Variants in CNTNAP2 observed in about 807,000 individuals in gnomAD.
The protein encoded by CNTNAP2 is contactin-associated protein-like 2.
CNTNAP2 carries 98 observed loss-of-function variants against 155.2 expected under a neutral mutation model. That is an observed-to-expected ratio of 0.63 (90% CI 0.54 to 0.75). CNTNAP2 has a LOEUF of 0.75. Ranked by LOEUF, CNTNAP2 falls within the 30% of genes least tolerant of loss-of-function variation. The pLI is 0.00. For synonymous variants in CNTNAP2, 651 were observed against 631.2 expected (o/e 1.03, Z -0.47); for missense variants, 1,727 against 1,688.1 (o/e 1.02, Z -0.40).
At chr7:146,391,776 T>C (rs1424110981) in intron 1 of CNTNAP2, among the ~76,000 whole-genome samples, 1 of 149,922 alleles carries the variant, frequency 6.7e-6, no homozygotes, top group Non-Finnish European at 1.5e-5. Context: ...TTGTTGTTGT[T>C]GGCTAAATGA....
At chr7:146,301,658 A>C (rs1800613152) in intron 1 of CNTNAP2, among the ~76,000 whole-genome samples, 1 of 151,956 alleles carries the variant, frequency 6.6e-6, no homozygotes, top group East Asian at 1.9e-4. Context: ...ACAACAACAA[A>C]AAGATATACA....
At chr7:146,147,632 G>T (rs1403307601) in intron 1 of CNTNAP2, among the ~76,000 whole-genome samples, 1 of 152,048 alleles carries the variant, frequency 6.6e-6, no homozygotes, top group Non-Finnish European at 1.5e-5. Context: ...CCTTTAGCCA[G>T]CTAGAATCAA....
At chr7:148,381,483 C>T (rs541244762) in intron 21 of CNTNAP2, 1 of 152,316 alleles carries the variant, frequency 6.6e-6, no homozygotes, top group African/African-American at 2.4e-5. Flanking sequence ...CATCTCTGGC[C>T]AGATTCTTCT....
At chr7:147,217,467 A>G (rs1803300476) in intron 8 of CNTNAP2, among the ~76,000 whole-genome samples, 1 of 151,936 alleles carries the variant, frequency 6.6e-6, no homozygotes, top group South Asian at 2.1e-4. Context: ...TTGATTTTTA[A>G]ATATTGAACC....
intron 1 of CNTNAP2, among the ~76,000 whole-genome samples, chr7:146,555,447 A>C (rs1323184266): frequency 6.6e-6 from 1 of 151,892 alleles, no homozygotes; most frequent in Non-Finnish European, 1.5e-5. Context: ...TATCTCATCT[A>C]TTTATCGATT....
At chr7:147,129,200 GTTTAA>G (rs910715740) in intron 7 of CNTNAP2, among the ~76,000 whole-genome samples, 4 of 152,112 alleles carry the variant, frequency 2.6e-5, no homozygotes, top group Non-Finnish European at 5.9e-5. Flanking sequence ...CTTGCTTATG[GTTTAA>G]TTTAATATTT....
intron 15 of CNTNAP2, among the ~76,000 whole-genome samples, chr7:147,999,436 A>G (rs564842031): frequency 1.4e-3 from 220 of 152,304 alleles, no homozygotes; most frequent in African/African-American, 5.2e-3. Context: ...GCCTTTCTTA[A>G]TTGTGTAAGA....
chr7:148,165,767 C>T (rs746910498), intron 17 of CNTNAP2, among the ~76,000 whole-genome samples: 17 of 152,208 alleles, frequency 1.1e-4, no homozygotes, highest in African/African-American at 3.9e-4. Flanking sequence ...TCCCATACAT[C>T]AAATTGTGCC....
intron 1 of CNTNAP2, among the ~76,000 whole-genome samples, chr7:146,164,859 C>G (rs951800777): frequency 6.6e-6 from 1 of 152,082 alleles, no homozygotes; most frequent in Non-Finnish European, 1.5e-5. Context: ...TTCTTTGAGG[C>G]TTATATTCCT....
intron 1 of CNTNAP2, among the ~76,000 whole-genome samples, chr7:146,225,515 G>A (rs1006134645): frequency 6.6e-6 from 1 of 152,172 alleles, no homozygotes; most frequent in African/African-American, 2.4e-5. Context: ...ATGAGACTCA[G>A]CATTCAACTT....
intron 21 of CNTNAP2, chr7:148,339,435 T>C (rs1798183346): frequency 6.6e-6 from 1 of 152,174 alleles, no homozygotes; most frequent in African/African-American, 2.4e-5. Flanking sequence ...ACCCCGGGTT[T>C]TGCGTCCTCC....
At chr7:146,605,299 G>A (rs1416382152) in intron 1 of CNTNAP2, among the ~76,000 whole-genome samples, 1 of 151,078 alleles carries the variant, frequency 6.6e-6, no homozygotes, top group African/African-American at 2.4e-5. Flanking sequence ...ATTATCAGAT[G>A]ATTGATATTA....
chr7:148,324,320 C>T (rs887772430), intron 21 of CNTNAP2, among the ~76,000 whole-genome samples: 3 of 152,190 alleles, frequency 2.0e-5, no homozygotes, highest in African/African-American at 7.2e-5. Flanking sequence ...TACAGCTTTA[C>T]TCAACTGTCA....
At chr7:148,294,295 A>G (rs1445539938) in intron 21 of CNTNAP2, among the ~76,000 whole-genome samples, 1 of 152,196 alleles carries the variant, frequency 6.6e-6, no homozygotes, top group Non-Finnish European at 1.5e-5. Context: ...TCATTCATTC[A>G]GAATATACTC....
chr7:147,301,965 G>A (rs1248435039), intron 9 of CNTNAP2, among the ~76,000 whole-genome samples: 3 of 152,000 alleles, frequency 2.0e-5, no homozygotes, highest in Non-Finnish European at 4.4e-5. Flanking sequence ...CATGAACTAG[G>A]GCTCTGCTTC....
chr7:146,532,552 T>C (rs1797785106), intron 1 of CNTNAP2, among the ~76,000 whole-genome samples: 1 of 152,178 alleles, frequency 6.6e-6, no homozygotes, highest in East Asian at 1.9e-4. Context: ...CACAACCTTA[T>C]GTCACAACAT....
At chr7:146,130,756 G>T (rs1797701919) in intron 1 of CNTNAP2, among the ~76,000 whole-genome samples, 1 of 152,138 alleles carries the variant, frequency 6.6e-6, no homozygotes, top group African/African-American at 2.4e-5. Context: ...GTTCTGCATG[G>T]CTGGGGAGGC....
chr7:146,693,382 A>C (rs1404522235), intron 1 of CNTNAP2, among the ~76,000 whole-genome samples: 3 of 152,058 alleles, frequency 2.0e-5, no homozygotes, highest in Non-Finnish European at 4.4e-5. Flanking sequence ...TTCAATCAAA[A>C]TTTTATAACT....
At chr7:147,397,374 T>G (rs1796836410) in intron 10 of CNTNAP2, among the ~76,000 whole-genome samples, 1 of 152,068 alleles carries the variant, frequency 6.6e-6, no homozygotes, top group Admixed American at 6.6e-5. Context: ...CTACATATTG[T>G]TTTGTACAGA....
Sources: allele counts gnomAD v4.1 joint callset (sites outside exome capture counted in the v4.1 genomes callset), GRCh38; gene constraint gnomAD v4.1.1; transcripts MANE v1.5; gene names NCBI Gene and HGNC (gene_info 2026-07-23, HGNC 2026-07-21).